The following TSNARE1 variants were observed in gnomAD, a reference collection of about 807,000 sequenced individuals.
TSNARE1 encodes t-SNARE domain containing 1, also known as t-SNARE domain-containing protein 1.
TSNARE1 carries 49 observed loss-of-function variants against 62.0 expected under a neutral mutation model. That is an observed-to-expected ratio of 0.79 (90% CI 0.63 to 1.00). The LOEUF is 1.00. Among genes scored for constraint, TSNARE1 ranks in the 50% least tolerant of loss-of-function variants. The pLI, the probability that TSNARE1 is intolerant of heterozygous loss-of-function variation, is 0.00. For missense variants in TSNARE1, 755 were observed against 700.1 expected, an observed-to-expected ratio of 1.08 and a Z score of -0.88; for synonymous variants, 328 against 294.4, an observed-to-expected ratio of 1.11 and a Z score of -1.17.
chr8:142,343,392 C>G (rs905976244), intron 4 of TSNARE1, among the ~76,000 whole-genome samples: 1 of 151,756 alleles, frequency 6.6e-6, no homozygotes, highest in African/African-American at 2.4e-5. Flanking sequence ...AACATGAGCA[C>G]GCGTGGCCAT....
chr8:142,248,707 G>A (rs1411293216), intron 12 of TSNARE1, among the ~76,000 whole-genome samples: 4 of 152,194 alleles, frequency 2.6e-5, no homozygotes, highest in Admixed American at 6.5e-5. Context: ...TGAGAAGCCC[G>A]GAGGGAGGGG....
chr8:142,324,930 G>A (rs1390718153), intron 6 of TSNARE1, among the ~76,000 whole-genome samples: 3 of 152,264 alleles, frequency 2.0e-5, no homozygotes, highest in Non-Finnish European at 4.4e-5. Context: ...AAGAGCCTGT[G>A]GCTGGGCTGG....
rs11998243 is a variant in TSNARE1, at chr8:142,402,557, C to T, written c.-40+547G>A. Reference sequence around the variant, plus strand: ...ACCTGAAAGTCCCTGGTGGGGATGTCGCAGGCCCCAGTACCCAGGAAGCAC... The same window carrying T: ...ACCTGAAAGTCCCTGGTGGGGATGTTGCAGGCCCCAGTACCCAGGAAGCAC... On this transcript the variant is annotated intron_variant, in intron 1 of 13. Transcript: ENST00000524325. Among the ~76,000 whole-genome samples, 1,062 of 152,332 alleles carry T rather than the reference C, an allele frequency of 7.0e-3. 13 individuals carry two copies. The highest frequency in any genetic ancestry group is 0.024 in the African/African-American group (998 of 41,572).
intron 13 of TSNARE1, among the ~76,000 whole-genome samples, chr8:142,222,540 T>TCATCCACTCACTCACTCATC (rs1816390005): frequency 4.7e-5 from 2 of 42,434 alleles, no homozygotes; most frequent in African/African-American, 2.2e-4. Flanking sequence ...ACTCACTCAC[T>TCATCCACTCACTCACTCATC]CATTCACTCA....
chr8:142,304,185 C>T (rs538039559), intron 9 of TSNARE1, among the ~76,000 whole-genome samples: 2 of 152,382 alleles, frequency 1.3e-5, no homozygotes, highest in East Asian at 3.9e-4. Flanking sequence ...TAATTATCAC[C>T]TCCCCTTCCT....
chr8:142,395,525 G>A (rs538271749), intron 1 of TSNARE1, among the ~76,000 whole-genome samples: 37 of 152,346 alleles, frequency 2.4e-4, no homozygotes, highest in African/African-American at 8.2e-4. Flanking sequence ...GAGCACCGCA[G>A]ATGCCAAGTG....
intron 11 of TSNARE1, chr8:142,279,913 G>T: frequency 9.6e-7 from 1 of 1,041,992 alleles, no homozygotes; most frequent in Non-Finnish European, 1.2e-6. Flanking sequence ...GGCAGAAAAG[G>T]TCTCTGCCAC....
rs143240909 is a variant in TSNARE1, at chr8:142,362,518, G to A, written c.-39-7755C>T. 2.1e-3 allele frequency among the ~76,000 whole-genome samples: 313 copies of A among 152,310 alleles called. 2 individuals carry two copies. Among genetic ancestry groups the A allele is most frequent in the Non-Finnish European group, 3.5e-3 (235 of 68,038 alleles). Reference sequence around the variant, plus strand: ...GTAAGGAAAGAGATTTCCTCAGCTCGTGGTTCTGGGGGCTGGGAAGTCCAA... The same window carrying A: ...GTAAGGAAAGAGATTTCCTCAGCTCATGGTTCTGGGGGCTGGGAAGTCCAA... On this transcript the variant is annotated intron_variant, in intron 1 of 13. Coordinates refer to ENST00000524325, the MANE Select transcript of TSNARE1 (RefSeq NM_145003.5).
intron 6 of TSNARE1, among the ~76,000 whole-genome samples, chr8:142,330,061 G>C (rs1223244692): frequency 6.6e-6 from 1 of 152,244 alleles, no homozygotes; most frequent in African/African-American, 2.4e-5. Context: ...CACCAGTTCT[G>C]CACAGGGGAG....
intron 12 of TSNARE1, among the ~76,000 whole-genome samples, chr8:142,265,124 T>TGTGTGTG (rs146960980): frequency 6.6e-6 from 1 of 151,096 alleles, no homozygotes; most frequent in African/African-American, 2.4e-5. Flanking sequence ...TCTACTCAGT[T>TGTGTGTG]TGTGTGTGTG....
chr8:142,309,263 A>G (rs542952220), intron 9 of TSNARE1, among the ~76,000 whole-genome samples: 1 of 152,200 alleles, frequency 6.6e-6, no homozygotes, highest in South Asian at 2.1e-4. Flanking sequence ...TTTTCATGCC[A>G]TACTGCGTTG....
intron 6 of TSNARE1, among the ~76,000 whole-genome samples, chr8:142,327,148 G>A (rs1011371763): frequency 2.0e-5 from 3 of 152,180 alleles, no homozygotes; most frequent in South Asian, 2.1e-4. Flanking sequence ...CTACACCCAC[G>A]CAAACACCTA....
At chr8:142,242,658 G>C (rs1014778090) in intron 12 of TSNARE1, among the ~76,000 whole-genome samples, 4 of 152,162 alleles carry the variant, frequency 2.6e-5, no homozygotes, top group Non-Finnish European at 4.4e-5. Flanking sequence ...TTTCTTGAAA[G>C]AGACATACAA....
intron 1 of TSNARE1, among the ~76,000 whole-genome samples, chr8:142,397,759 A>T (rs1432971836): frequency 6.6e-6 from 1 of 152,136 alleles, no homozygotes; most frequent in Non-Finnish European, 1.5e-5. Context: ...AATGAGCAGC[A>T]GCTGCTGCCA....
chr8:142,328,236 T>C (rs1830533293), intron 6 of TSNARE1, among the ~76,000 whole-genome samples: 1 of 152,244 alleles, frequency 6.6e-6, no homozygotes, highest in Non-Finnish European at 1.5e-5. Context: ...CCCTATCCTA[T>C]GTAGCTGTTA....
intron 10 of TSNARE1, among the ~76,000 whole-genome samples, chr8:142,299,069 C>T (rs941832656): frequency 6.6e-6 from 1 of 152,242 alleles, no homozygotes; most frequent in Non-Finnish European, 1.5e-5. Flanking sequence ...CCTTCCTCTC[C>T]AGGGAGCCCG....
At chr8:142,280,812 C>T (rs923133189) in intron 11 of TSNARE1, among the ~76,000 whole-genome samples, 15 of 151,936 alleles carry the variant, frequency 9.9e-5, no homozygotes, top group African/African-American at 9.7e-5. Flanking sequence ...GAGGACAGAG[C>T]GATAGGAGGG....
At chr8:142,222,102 C>CGTTCACTCACTCATCCACTCCTT (rs142699831) in intron 13 of TSNARE1, among the ~76,000 whole-genome samples, 1 of 124,626 alleles carries the variant, frequency 8.0e-6, no homozygotes, top group African/African-American at 3.2e-5. Context: ...CTCATCCACT[C>CGTTCACTCACTCATCCACTCCTT]CACTCACTCA....
chr8:142,239,731 G>C, intron 12 of TSNARE1, among the ~76,000 whole-genome samples: 1 of 152,158 alleles, frequency 6.6e-6, no homozygotes, highest in East Asian at 1.9e-4. Flanking sequence ...TAAATACGTG[G>C]TTAGCGCCAA....
Sources: allele counts gnomAD v4.1 joint callset (sites outside exome capture counted in the v4.1 genomes callset), GRCh38; gene constraint gnomAD v4.1.1; transcripts MANE v1.5; gene names NCBI Gene and HGNC (gene_info 2026-07-23, HGNC 2026-07-21).